METTL9: variants seen among roughly 807,000 people sequenced by gnomAD.
METTL9 encodes protein-L-histidine N-pros-methyltransferase.
A neutral mutation model predicts 36.0 loss-of-function variants in METTL9; 10 were observed. The ratio of observed to expected loss-of-function variants is 0.28; its 90% CI spans 0.17 to 0.47. The LOEUF (loss-of-function observed/expected upper bound fraction) is 0.47, where lower values mean the gene tolerates loss of function less well. METTL9 is among the 20% of genes least tolerant of loss of function. METTL9 has a pLI of 0.99. For synonymous variants in METTL9, 175 were observed against 149.7 expected, an observed-to-expected ratio of 1.17 and a Z score of -1.23; for missense variants, 246 against 383.5, an observed-to-expected ratio of 0.64 and a Z score of 3.00.
chr16:21,607,086 T>C (rs994234859), intron 1 of METTL9, among the ~76,000 whole-genome samples: 2 of 152,096 alleles, frequency 1.3e-5, no homozygotes, highest in Non-Finnish European at 2.9e-5. Context: ...AGAAATTTTT[T>C]TTTTTTTTTT....
At position 21,619,029 on chromosome 16, in the gene METTL9, G is replaced by A. The variant is rs146098013; in HGVS notation, c.566+955G>A. 3.5e-3 allele frequency among the ~76,000 whole-genome samples: 528 copies of A among 152,178 alleles called. 4 individuals are homozygous for A. Among genetic ancestry groups the A allele is most frequent in the Non-Finnish European group, 6.1e-3 (412 of 67,988 alleles). On this transcript the variant is annotated intron_variant, in intron 3 of 4. Transcript: ENST00000358154. The stretch of plus-strand genomic sequence containing the variant: ...TTTCTTTAAGGATGAATGATAATTC[G>A]CTGTATGCATGTACCACATTTTGTT...
At chr16:21,652,443 A>G in intron 4 of METTL9, 1 of 1,009,570 alleles carries the variant, frequency 9.9e-7, no homozygotes. Context: ...TTAAAAATTA[A>G]TCTGAAGGAG....
Position 21,618,067 on chromosome 16 carries a change from A to C in METTL9, c.559A>C (p.Lys187Gln). ...ETMIWQLQKKKYRVLGINEWQ... is the reference protein window; with the variant it reads ...ETMIWQLQKKQYRVLGINEWQ... ...TATGATATGGCAGCTTCAGAAAAAG[A>C]AATACAGGTATAATTTTCTTGGTTT... The change falls in exon 3 of 5, where the codon AAA becomes CAA. Residue 187 changes from lysine (K) to glutamine (Q), a missense_variant. This residue lies in a region of METTL9 where 146 missense variants were observed against 302.1 expected (regional missense o/e 0.48). Transcript: ENST00000358154. The C allele has an allele frequency of 6.4e-7, 1 of 1,559,420 alleles. No individual in the cohort carries two copies. Among genetic ancestry groups the C allele is most frequent in the Non-Finnish European group, 8.6e-7 (1 of 1,159,258 alleles).
intron 4 of METTL9, among the ~76,000 whole-genome samples, chr16:21,633,225 T>G (rs1168411976): frequency 6.6e-6 from 1 of 152,172 alleles, no homozygotes; most frequent in Non-Finnish European, 1.5e-5. Context: ...TGGCTAAGAT[T>G]AGGTCTGGAT....
intron 1 of METTL9, among the ~76,000 whole-genome samples, chr16:21,603,640 T>C (rs1020465918): frequency 2.6e-5 from 4 of 152,170 alleles, no homozygotes; most frequent in Non-Finnish European, 2.9e-5. Flanking sequence ...AATGCAACTA[T>C]TATGGAGCTA....
At chr16:21,599,348 A>G (rs1029313643), upstream of METTL9, 1 of 978,348 alleles carries the variant, frequency 1.0e-6, no homozygotes, top group Non-Finnish European at 1.2e-6. The surrounding 1 kb of genome is among the most constrained non-coding windows in gnomAD (Gnocchi z 4.4). Context: ...CACCTCCGCC[A>G]TTTACTAGAG....
At chr16:21,637,926 C>G (rs1156332554) in intron 4 of METTL9, among the ~76,000 whole-genome samples, 1 of 152,262 alleles carries the variant, frequency 6.6e-6, no homozygotes, top group African/African-American at 2.4e-5. Flanking sequence ...ATAAGCCACT[C>G]AGTCTATGGT....
At chr16:21,616,001 T>G (rs1388368481) in intron 2 of METTL9, among the ~76,000 whole-genome samples, 1 of 152,188 alleles carries the variant, frequency 6.6e-6, no homozygotes, top group Non-Finnish European at 1.5e-5. Context: ...AGATTTACTG[T>G]AAACTTGGTT....
intron 4 of METTL9, among the ~76,000 whole-genome samples, chr16:21,632,668 C>T (rs972648324): frequency 2.0e-5 from 3 of 152,130 alleles, no homozygotes; most frequent in African/African-American, 7.2e-5. Flanking sequence ...CATAAACTTC[C>T]TTTGGCACCT....
At chr16:21,631,030 A>T (rs1474000507) in intron 4 of METTL9, among the ~76,000 whole-genome samples, 2 of 152,206 alleles carry the variant, frequency 1.3e-5, no homozygotes, top group East Asian at 3.9e-4. Flanking sequence ...TCTACGCCTC[A>T]GGGGTTTTGG....
chr16:21,630,000 G>C (rs1392503384), intron 4 of METTL9, among the ~76,000 whole-genome samples: 1 of 152,146 alleles, frequency 6.6e-6, no homozygotes, highest in East Asian at 1.9e-4. Flanking sequence ...ACGCTGACTG[G>C]TGCGTTTACA....
At chr16:21,623,648 C>T (rs1319127359) in intron 3 of METTL9, among the ~76,000 whole-genome samples, 1 of 152,082 alleles carries the variant, frequency 6.6e-6, no homozygotes, top group Non-Finnish European at 1.5e-5. Context: ...TGAAAATGTT[C>T]TCTGTGTTCT....
Position 21,599,794 on chromosome 16 carries a change from A to G in METTL9, c.61A>G (p.Met21Val). Residue 21 changes from methionine to valine, a missense_variant, in exon 1 of 5, where the codon ATG (methionine) becomes GTG (valine). By Grantham distance (21) the Met-to-Val change is conservative (BLOSUM62 1). Around this residue, in one of 2 missense-constraint regions of METTL9, gnomAD observed 100 missense variants for 81.4 expected, o/e 1.23. Coordinates refer to ENST00000358154, the MANE Select transcript of METTL9 (RefSeq NM_016025.5). The surrounding 1 kb of genome is among the most constrained non-coding windows in gnomAD (Gnocchi z 4.4). ...SLASVWLARR[M>V]WTLRSPLTRS... is the part of the protein sequence containing the mutation. ...GGCGTCCGTGTGGCTGGCGCGGAGG[A>G]TGTGGACGCTGCGGAGCCCGCTCAC... 1 of 1,548,958 alleles carries G rather than the reference A, an allele frequency of 6.5e-7. No individual in the cohort carries two copies. The highest frequency in any genetic ancestry group is 8.7e-7 in the Non-Finnish European group (1 of 1,154,492).
chr16:21,644,505 C>A lies in METTL9; in HGVS notation c.752-10722C>A, dbSNP rs1597784308. The A allele has an allele frequency of 7.2e-6, 5 of 695,342 alleles. 1 individual carries two copies. The highest frequency in any genetic ancestry group is 2.6e-5 in the Admixed American group (1 of 38,970). The allele number at this position is 695,342 out of a possible 1,614,324, so 43.1% of individuals were successfully genotyped here. ...GTTTTAGAGGTGAAACGTGAACTTA[C>A]TCTGCTTGCCTATTCGTATAAAAAC... On this transcript the variant is annotated intron_variant, in intron 4 of 4. Transcript: ENST00000358154.
At chr16:21,622,089 G>A (rs1023715418) in intron 3 of METTL9, among the ~76,000 whole-genome samples, 1 of 143,688 alleles carries the variant, frequency 7.0e-6, no homozygotes, top group Non-Finnish European at 1.5e-5. Context: ...CAATCTGCCC[G>A]CTTTGGCCTC....
chr16:21,601,729 CTGTGTGTGTGTG>C (rs57264395), intron 1 of METTL9, among the ~76,000 whole-genome samples: 21,232 of 145,800 alleles, frequency 0.15, 2,053 homozygotes, highest in East Asian at 0.38. Flanking sequence ...TATTTATATT[CTGTGTGTGTGTG>C]TGTGTGTGTG....
chr16:21,612,006 T>C (rs1229294373), intron 1 of METTL9: 2 of 152,336 alleles, frequency 1.3e-5, no homozygotes, highest in Middle Eastern at 3.4e-3. Context: ...TTAATCTTTC[T>C]TGAGCACATG....
In METTL9 at chr16:21,635,199, C is replaced by T. The variant is rs149738477; in HGVS notation, c.751+10084C>T. On this transcript the variant is annotated intron_variant, in intron 4 of 4. Coordinates refer to ENST00000358154, the MANE Select transcript of METTL9 (RefSeq NM_016025.5). The stretch of plus-strand genomic sequence containing the variant: ...TATCATGATCATCTGAAAACTTCCC[C>T]AGGTCTGCCTTGATCTGCTTTAAAT... Among the ~76,000 whole-genome samples the T allele has an allele frequency of 3.7e-3, 567 of 152,260 alleles. 5 individuals are homozygous for T. Among genetic ancestry groups the T allele is most frequent in the African/African-American group, 0.013 (544 of 41,542 alleles).
In METTL9 at chr16:21,628,049, T is replaced by C. The variant is rs982029877; in HGVS notation, c.751+2934T>C. Reference sequence around the variant, plus strand: ...TTCTTTAAAAGATAGTCTATGTAAATGTAAGTCTGTATGTACATTAAAAAA... The same window carrying C: ...TTCTTTAAAAGATAGTCTATGTAAACGTAAGTCTGTATGTACATTAAAAAA... On this transcript the variant is annotated intron_variant, in intron 4 of 4. Coordinates refer to ENST00000358154, the MANE Select transcript of METTL9 (RefSeq NM_016025.5). 2.0e-5 allele frequency among the ~76,000 whole-genome samples: 3 copies of C among 152,232 alleles called. No homozygotes were observed. The South Asian group carries it at 6.2e-4, about 32-fold the overall frequency.
Sources: gnomAD v4.1 joint callset for allele counts (sites outside exome capture counted in the v4.1 genomes callset) on GRCh38, gnomAD v4.1.1 for gene constraint, gnomAD v4.1.1 regional missense constraint, Gnocchi (gnomAD v3.1) non-coding constraint, MANE v1.5 for transcripts, NCBI Gene and HGNC (gene_info 2026-07-23, HGNC 2026-07-21) for gene names.